KCNMA1: variants seen among roughly 807,000 people sequenced by gnomAD.
The protein encoded by KCNMA1 is Calcium-activated potassium channel subunit alpha-1.
Under a neutral mutation model 140.0 loss-of-function variants are expected in KCNMA1, and 29 were observed. The ratio of observed to expected loss-of-function variants is 0.21; its 90% CI spans 0.15 to 0.28. The LOEUF (loss-of-function observed/expected upper bound fraction) is 0.28, where lower values mean the gene tolerates loss of function less well. Among genes scored for constraint, KCNMA1 ranks in the 10% least tolerant of loss-of-function variants. The pLI is 1.00. For synonymous variants in KCNMA1, 612 were observed against 611.9 expected (o/e 1.00, Z 0.00); for missense variants, 880 against 1,602.2 (o/e 0.55, Z 7.70).
chr10:77,495,082 C>T (rs1028819217), intron 1 of KCNMA1, among the ~76,000 whole-genome samples: 1 of 152,172 alleles, frequency 6.6e-6, no homozygotes, highest in African/African-American at 2.4e-5. Context: ...TTCACAGGTA[C>T]GGAGGGCTAG....
intron 1 of KCNMA1, among the ~76,000 whole-genome samples, chr10:77,447,179 C>T (rs562088964): frequency 7.3e-4 from 111 of 152,302 alleles, no homozygotes; most frequent in African/African-American, 2.6e-3. Context: ...AGGTGGGGTA[C>T]AGAAGCACAG....
chr10:77,371,108 CA>C lies in KCNMA1; in HGVS notation c.540+32753del, dbSNP rs552549835. 1.7e-3 allele frequency among the ~76,000 whole-genome samples: 256 copies of C among 152,316 alleles called. 2 individuals carry two copies. The highest frequency in any genetic ancestry group is 6.0e-3 in the African/African-American group (249 of 41,572). ...CCGCCCAGCGTTCTTTAAAGACAGC[CA>C]GGAAAACAAACCAAATTCATACTAC... On this transcript the variant is annotated intron_variant, in intron 2 of 27. Transcript: ENST00000286628.
intron 5 of KCNMA1, among the ~76,000 whole-genome samples, chr10:77,121,772 A>T (rs1057166946): frequency 2.0e-5 from 3 of 152,238 alleles, no homozygotes; most frequent in African/African-American, 7.2e-5. Flanking sequence ...AGGACATTTT[A>T]AAAATGCAAA....
intron 16 of KCNMA1, chr10:77,022,896 G>A (rs754398828): frequency 4.4e-6 from 2 of 453,554 alleles, no homozygotes; most frequent in African/African-American, 4.0e-5. Context: ...GATGTGTTAA[G>A]TATGAATATG....
At chr10:77,278,286 T>C (rs906390430) in intron 2 of KCNMA1, among the ~76,000 whole-genome samples, 12 of 152,156 alleles carry the variant, frequency 7.9e-5, no homozygotes, top group African/African-American at 2.4e-4. Flanking sequence ...GCCCAACAGA[T>C]AGACAAACAA....
intron 3 of KCNMA1, among the ~76,000 whole-genome samples, chr10:77,222,822 C>A (rs188582448): frequency 1.3e-5 from 2 of 152,218 alleles, no homozygotes; most frequent in Non-Finnish European, 2.9e-5. Flanking sequence ...AGGATTGAAG[C>A]TGATTGCCAT....
At chr10:77,067,914 C>T (rs980321579) in intron 14 of KCNMA1, among the ~76,000 whole-genome samples, 1 of 152,174 alleles carries the variant, frequency 6.6e-6, no homozygotes, top group Non-Finnish European at 1.5e-5. Flanking sequence ...TGGTAGGTCC[C>T]CAGGGCATCT....
chr10:77,470,491 C>T (rs1458725196), intron 1 of KCNMA1, among the ~76,000 whole-genome samples: 1 of 151,984 alleles, frequency 6.6e-6, no homozygotes, highest in Non-Finnish European at 1.5e-5. Context: ...GCCGGAAGAT[C>T]CTGTCCCCAC....
chr10:76,907,692 C>A (rs181522142), intron 25 of KCNMA1, among the ~76,000 whole-genome samples: 3 of 152,268 alleles, frequency 2.0e-5, no homozygotes, highest in Non-Finnish European at 2.9e-5. Context: ...GTGCACACCA[C>A]CACACCCAGC....
intron 2 of KCNMA1, among the ~76,000 whole-genome samples, chr10:77,273,759 C>T (rs1425602099): frequency 6.6e-6 from 1 of 152,114 alleles, no homozygotes; most frequent in Non-Finnish European, 1.5e-5. Context: ...GGGTGGAAAG[C>T]AGTCCACCTG....
chr10:77,328,774 A>T (rs1258740695), intron 2 of KCNMA1, among the ~76,000 whole-genome samples: 1 of 152,236 alleles, frequency 6.6e-6, no homozygotes, highest in Non-Finnish European at 1.5e-5. Flanking sequence ...AGACTCTTCG[A>T]CATCAAGTTC....
chr10:77,125,652 T>C (rs1041513777), intron 5 of KCNMA1, among the ~76,000 whole-genome samples: 1 of 152,196 alleles, frequency 6.6e-6, no homozygotes, highest in Admixed American at 6.5e-5. Context: ...CTCGGTTATG[T>C]GGTTACTTTC....
intron 2 of KCNMA1, among the ~76,000 whole-genome samples, chr10:77,397,747 T>G (rs770546857): frequency 3.8e-4 from 58 of 152,252 alleles, no homozygotes; most frequent in South Asian, 1.2e-3. Context: ...TTAAGTAATT[T>G]CTCATCACTC....
At chr10:76,907,155 C>T (rs924427415) in intron 25 of KCNMA1, among the ~76,000 whole-genome samples, 80 of 152,258 alleles carry the variant, frequency 5.3e-4, no homozygotes, top group African/African-American at 1.8e-3. Context: ...CCCTTTTATC[C>T]TAGGCTAGAA....
At chr10:76,920,014 G>GTATATATATATATATATATA (rs1449289105) in intron 23 of KCNMA1, among the ~76,000 whole-genome samples, 1 of 44,522 alleles carries the variant, frequency 2.2e-5, no homozygotes, top group African/African-American at 1.3e-4. Flanking sequence ...GTGTGTGTGT[G>GTATATATATATATATATATA]TGTGTGTATA....
chr10:77,389,991 G>A (rs182451371), intron 2 of KCNMA1, among the ~76,000 whole-genome samples: 4 of 152,342 alleles, frequency 2.6e-5, no homozygotes. Context: ...GCTAAGAAAA[G>A]TGCATTCTCT....
Position 76,877,829 on chromosome 10 carries a change from G to C in KCNMA1, c.3489C>G (p.Pro1163=), listed in dbSNP as rs1382897082. 11 of 1,606,376 alleles carry C rather than the reference G, an allele frequency of 6.8e-6. No homozygotes were observed. In the African/African-American group the frequency reaches 1.3e-4, roughly 20 times the overall value. Residue 1163 remains proline (P), a synonymous_variant, in exon 30 of 30, where the codon CCC becomes CCG. Coordinates refer to the KCNMA1 transcript ENST00000372403. ...TCTGGTTAGCCATGTGGGTACTCATGGGCTTGATTTGAATGTTTCTGGGAT... is the reference window on the plus strand; with the variant it reads ...TCTGGTTAGCCATGTGGGTACTCATCGGCTTGATTTGAATGTTTCTGGGAT...
chr10:77,628,649 CAAA>C (rs72518245), intron 1 of KCNMA1, among the ~76,000 whole-genome samples: 1 of 131,168 alleles, frequency 7.6e-6, no homozygotes, highest in African/African-American at 2.8e-5. Flanking sequence ...GACGGTATCT[CAAA>C]AAAAAAAAAA....
chr10:77,216,632 A>G (rs2047873533), intron 3 of KCNMA1, among the ~76,000 whole-genome samples: 1 of 152,252 alleles, frequency 6.6e-6, no homozygotes. Context: ...TTAGTAAAAT[A>G]CAGTACACGT....
Sources: gnomAD v4.1 joint callset for allele counts (sites outside exome capture counted in the v4.1 genomes callset) on GRCh38, gnomAD v4.1.1 for gene constraint, MANE v1.5 for transcripts, NCBI Gene and HGNC (gene_info 2026-07-23, HGNC 2026-07-21) for gene names.